Variants in MAP3K20 observed in about 807,000 individuals in gnomAD.
MAP3K20 encodes mitogen-activated protein kinase kinase kinase 20.
In MAP3K20, 40 loss-of-function variants were observed where a neutral mutation model predicts 85.7. The ratio of observed to expected loss-of-function variants is 0.47; its 90% confidence interval spans 0.36 to 0.61. The LOEUF (loss-of-function observed/expected upper bound fraction) is 0.61. Ranked by LOEUF, MAP3K20 falls within the 20% of genes least tolerant of loss-of-function variation. The probability of loss-of-function intolerance (pLI) is 0.00; values close to 1 mark genes in which losing one functional copy is unlikely to be tolerated. For synonymous variants in MAP3K20, 325 were observed against 327.7 expected, an observed-to-expected ratio of 0.99 and a Z score of 0.09; for missense variants, 817 against 961.7, an observed-to-expected ratio of 0.85 and a Z score of 1.99.
intron 2 of MAP3K20, among the ~76,000 whole-genome samples, chr2:173,127,263 A>G (rs1688471246): frequency 6.6e-6 from 1 of 152,260 alleles, no homozygotes; most frequent in African/African-American, 2.4e-5. Context: ...TCTTCATTTA[A>G]GAATTCTGTG....
intron 2 of MAP3K20, among the ~76,000 whole-genome samples, chr2:173,102,960 G>A (rs924472927): frequency 2.6e-5 from 4 of 151,996 alleles, no homozygotes; most frequent in Non-Finnish European, 5.9e-5. Context: ...GGCTGAGGGA[G>A]GAGAATCGCT....
intron 2 of MAP3K20, among the ~76,000 whole-genome samples, chr2:173,100,268 G>C (rs1559230758): frequency 2.0e-5 from 3 of 152,130 alleles, no homozygotes; most frequent in African/African-American, 7.2e-5. Context: ...TTTGGTGAAG[G>C]GCTTTACACC....
intron 10 of MAP3K20, chr2:173,210,681 A>ATGTT (rs1683861398): frequency 6.6e-6 from 1 of 152,220 alleles, no homozygotes; most frequent in South Asian, 2.1e-4. Flanking sequence ...TATAAATAGC[A>ATGTT]TGTTTGGAAG....
At chr2:173,099,737 G>C (rs550248961) in intron 2 of MAP3K20, among the ~76,000 whole-genome samples, 50 of 152,178 alleles carry the variant, frequency 3.3e-4, no homozygotes, top group Non-Finnish European at 6.3e-4. Context: ...AATACCCATA[G>C]TACTAATTTG....
At chr2:173,124,944 C>A (rs1370766141) in intron 2 of MAP3K20, among the ~76,000 whole-genome samples, 3 of 152,116 alleles carry the variant, frequency 2.0e-5, no homozygotes, top group Non-Finnish European at 2.9e-5. Flanking sequence ...GCTATGATTG[C>A]ACCATTGCAC....
intron 2 of MAP3K20, among the ~76,000 whole-genome samples, chr2:173,161,421 C>T (rs182112326): frequency 6.6e-4 from 101 of 152,332 alleles, no homozygotes; most frequent in Non-Finnish European, 1.0e-3. Flanking sequence ...GCATTTTACT[C>T]TTCTCACTGT....
At chr2:173,223,864 G>A in intron 11 of MAP3K20, 1 of 985,480 alleles carries the variant, frequency 1.0e-6, no homozygotes, top group Non-Finnish European at 1.2e-6. Flanking sequence ...GAGTAGAGCA[G>A]AAGGGAGGGC....
chr2:173,083,297 A>G (rs950567089), intron 1 of MAP3K20, among the ~76,000 whole-genome samples: 3 of 152,210 alleles, frequency 2.0e-5, no homozygotes, highest in South Asian at 2.1e-4. Context: ...AATATCTGGT[A>G]GATACAGTAC....
intron 11 of MAP3K20, chr2:173,226,860 GT>G (rs1331665452): frequency 5.1e-6 from 5 of 984,376 alleles, no homozygotes; most frequent in Non-Finnish European, 6.0e-6. Context: ...TCACTTTATT[GT>G]TTTTTTAACA....
chr2:173,095,391 G>C lies in MAP3K20; in HGVS notation c.159+4201G>C, dbSNP rs567365744. Among the ~76,000 whole-genome samples the C allele has an allele frequency of 8.9e-5, 13 of 146,584 alleles. No homozygotes were observed. The South Asian group carries it at 2.9e-3, about 33-fold the overall frequency. On this transcript the variant is annotated intron_variant, in intron 2 of 19. Coordinates refer to ENST00000375213, the MANE Select transcript of MAP3K20 (RefSeq NM_016653.3). Reference sequence around the variant, plus strand: ...TTAGGAACCAAGATTTGGGTACTAGGATTGTTTACTTTAGACTTTTTTAAA... The same window carrying C: ...TTAGGAACCAAGATTTGGGTACTAGCATTGTTTACTTTAGACTTTTTTAAA...
chr2:173,104,395 A>C (rs1479926515), intron 2 of MAP3K20, among the ~76,000 whole-genome samples: 1 of 152,178 alleles, frequency 6.6e-6, no homozygotes, highest in East Asian at 1.9e-4. Context: ...GCTCCTCAAG[A>C]CTTTGAGGTT....
rs1043009035 is a variant in MAP3K20 at position 173,182,962 on chromosome 2, A to G, written c.349+7A>G. 2 of 1,593,418 alleles carry G rather than the reference A, an allele frequency of 1.3e-6. No homozygotes were observed. Among genetic ancestry groups the G allele is most frequent in the African/African-American group, 1.3e-5 (1 of 74,394 alleles). ...GCCACTGATGTAGCCAAAGGTAATA[A>G]TATTTGGTATATTCTTATAGAATTA... On this transcript the variant is annotated splice_region_variant and intron_variant, in intron 4 of 19. Coordinates refer to ENST00000375213, the MANE Select transcript of MAP3K20 (RefSeq NM_016653.3).
At chr2:173,253,788 C>A (rs775360606) in intron 16 of MAP3K20, among the ~76,000 whole-genome samples, 1 of 152,142 alleles carries the variant, frequency 6.6e-6, no homozygotes, top group Admixed American at 6.5e-5. Context: ...TTTACCTGGG[C>A]CAGGTGCAGT....
At chr2:173,192,340 G>A (rs1690680779) in intron 7 of MAP3K20, among the ~76,000 whole-genome samples, 1 of 152,130 alleles carries the variant, frequency 6.6e-6, no homozygotes, top group Admixed American at 6.5e-5. Context: ...ACTTGTTTCA[G>A]TGACTAGCTT....
intron 4 of MAP3K20, among the ~76,000 whole-genome samples, chr2:173,185,689 T>C (rs1458894194): frequency 6.6e-6 from 1 of 152,242 alleles, no homozygotes; most frequent in Non-Finnish European, 1.5e-5. Context: ...CTCAGCATCA[T>C]TGCTGTTGAG....
chr2:173,247,128 C>T (rs751221790), intron 16 of MAP3K20, among the ~76,000 whole-genome samples: 4 of 152,162 alleles, frequency 2.6e-5, no homozygotes, highest in Non-Finnish European at 4.4e-5. Flanking sequence ...TCTCCCACTC[C>T]GCAGTGGAAG....
rs370569083 is a variant in MAP3K20 at position 173,266,488 on chromosome 2, T to C, written c.2141T>C (p.Phe714Ser). The C allele has an allele frequency of 1.2e-6, 2 of 1,613,968 alleles. No individual in the cohort carries two copies. The highest frequency in any genetic ancestry group is 2.7e-5 in the African/African-American group (2 of 74,880). ...TPSRGRYPGKFYRVSQSALNP... is the reference protein window; with the variant it reads ...TPSRGRYPGKSYRVSQSALNP... ...TCAAGAGGAAGATACCCTGGAAAGT[T>C]CTACAGGGTTTCTCAGTCAGCACTC... Residue 714 changes from phenylalanine to serine, a missense_variant, in exon 20 of 20, where the codon TTC becomes TCC. By Grantham distance (155) the Phe-to-Ser change is radical. Transcript: ENST00000375213.
chr2:173,154,292 T>C (rs557597643), intron 2 of MAP3K20, among the ~76,000 whole-genome samples: 4 of 152,294 alleles, frequency 2.6e-5, no homozygotes, highest in African/African-American at 9.6e-5. Context: ...CAAGCAATTC[T>C]CTTGCCTCAG....
chr2:173,248,664 T>C (rs1003697758), intron 16 of MAP3K20, among the ~76,000 whole-genome samples: 2 of 152,090 alleles, frequency 1.3e-5, no homozygotes, highest in African/African-American at 4.8e-5. Flanking sequence ...TGTCTAACAA[T>C]GGGAGAAAGC....
Sources: gnomAD v4.1 joint callset for allele counts (sites outside exome capture counted in the v4.1 genomes callset) on GRCh38, gnomAD v4.1.1 for gene constraint, MANE v1.5 for transcripts, NCBI Gene and HGNC (gene_info 2026-07-23, HGNC 2026-07-21) for gene names.